Variants in RFX3 observed in about 807,000 individuals in gnomAD.
RFX3 encodes transcription factor RFX3.
Under a neutral mutation model 98.6 loss-of-function variants are expected in RFX3, and 14 were observed. That is an observed-to-expected ratio of 0.14 (90% CI 0.09 to 0.22). The LOEUF (loss-of-function observed/expected upper bound fraction) is 0.22. RFX3 is among the 10% of genes least tolerant of loss of function. RFX3 has a pLI of 1.00. For synonymous variants in RFX3, 383 were observed against 328.4 expected, an observed-to-expected ratio of 1.17 and a Z score of -1.80; for missense variants, 639 against 926.9, an observed-to-expected ratio of 0.69 and a Z score of 4.03.
intron 1 of RFX3, among the ~76,000 whole-genome samples, chr9:3,452,805 T>A (rs1846781466): frequency 6.6e-6 from 1 of 152,248 alleles, no homozygotes; most frequent in South Asian, 2.1e-4. Flanking sequence ...CAGGGAATAC[T>A]ATAGGTTTCT....
intron 10 of RFX3, 145 bp downstream of exon 10, chr9:3,270,858 G>C (rs41312820): frequency 0.12 from 132,841 of 1,143,394 alleles, 8,011 homozygotes; most frequent in Middle Eastern, 0.15. Context: ...AGCAGTTCAT[G>C]GTTTATTTCT....
chr9:3,382,268 C>T (rs916974923), intron 2 of RFX3, among the ~76,000 whole-genome samples: 3 of 152,134 alleles, frequency 2.0e-5, no homozygotes, highest in Non-Finnish European at 4.4e-5. Context: ...TTTAAAGCAA[C>T]ATTTAAGAGT....
intron 1 of RFX3, among the ~76,000 whole-genome samples, chr9:3,503,392 TTA>T (rs1456700490): frequency 5.1e-4 from 64 of 126,724 alleles, no homozygotes; most frequent in African/African-American, 1.3e-3. Context: ...GTATACACAT[TTA>T]TGTTATATTT....
rs1817378574 is a variant in RFX3, at chr9:3,222,299, A to G, written c.*2743T>C. The G allele has an allele frequency of 1.3e-5, 2 of 152,128 alleles. No individual in the cohort carries two copies. The highest frequency in any genetic ancestry group is 4.8e-5 in the African/African-American group (2 of 41,452). The allele number at this position is 152,128 out of a possible 1,614,324, so 9.4% of individuals were successfully genotyped here. On this transcript the variant is annotated 3_prime_UTR_variant, in exon 17 of 17. Transcript: ENST00000617270. ...CCTAATATTCATAAAGGAGATCAGA[A>G]TATTTTTATTGAGTCAAGTTCAAAT...
chr9:3,385,187 G>GT (rs745652044), intron 2 of RFX3, among the ~76,000 whole-genome samples: 2 of 152,268 alleles, frequency 1.3e-5, no homozygotes, highest in South Asian at 4.2e-4. Context: ...CAAATTATAT[G>GT]TAAGTACAGG....
intron 1 of RFX3, among the ~76,000 whole-genome samples, chr9:3,451,720 C>CTAT (rs1846653330): frequency 2.0e-5 from 3 of 151,928 alleles, no homozygotes; most frequent in Admixed American, 1.3e-4. Flanking sequence ...AGTGGATAAA[C>CTAT]CTATTAATAA....
Position 3,480,465 on chromosome 9 carries a change from T to C in RFX3, c.-9+45282A>G, listed in dbSNP as rs530382287. Among the ~76,000 whole-genome samples, 8 of 152,302 alleles carry C rather than the reference T, an allele frequency of 5.3e-5. No homozygotes were observed. In the South Asian group the frequency reaches 1.7e-3, roughly 32 times the overall value. On this transcript the variant is annotated intron_variant, in intron 1 of 16. Transcript: ENST00000617270. Reference sequence around the variant, plus strand: ...TTGCATTCTCTTTGTTAAAACAAGCTACAGGCCCAACCCAAACTGAAAGGA... The same window carrying C: ...TTGCATTCTCTTTGTTAAAACAAGCCACAGGCCCAACCCAAACTGAAAGGA...
At chr9:3,278,910 T>A (rs192683436) in intron 7 of RFX3, among the ~76,000 whole-genome samples, 65 of 151,956 alleles carry the variant, frequency 4.3e-4, no homozygotes, top group African/African-American at 1.4e-3. Flanking sequence ...TACAAAAAAA[T>A]TGATTGCTGT....
intron 1 of RFX3, among the ~76,000 whole-genome samples, chr9:3,428,383 G>A (rs1844318472): frequency 6.6e-6 from 1 of 152,126 alleles, no homozygotes; most frequent in Non-Finnish European, 1.5e-5. Context: ...ATCTTATAAT[G>A]ATGATGGAAC....
At chr9:3,431,941 G>C (rs1564093758) in intron 1 of RFX3, among the ~76,000 whole-genome samples, 1 of 152,150 alleles carries the variant, frequency 6.6e-6, no homozygotes. Context: ...TAGGATTTAA[G>C]GGAGGAAGCA....
intron 6 of RFX3, among the ~76,000 whole-genome samples, chr9:3,292,546 A>G (rs780349071): frequency 1.3e-5 from 2 of 152,218 alleles, no homozygotes; most frequent in African/African-American, 2.4e-5. Flanking sequence ...ATATTTTGCA[A>G]GTTTACCAAA....
At chr9:3,427,287 T>C (rs140388724) in intron 1 of RFX3, among the ~76,000 whole-genome samples, 1 of 143,068 alleles carries the variant, frequency 7.0e-6, no homozygotes, top group African/African-American at 2.6e-5. Flanking sequence ...TATATAATAC[T>C]ATATATAAAT....
chr9:3,370,188 A>T (rs901991844), intron 2 of RFX3, among the ~76,000 whole-genome samples: 14 of 100,222 alleles, frequency 1.4e-4, no homozygotes, highest in African/African-American at 1.0e-3. Flanking sequence ...CAAATTATTA[A>T]AAAAAAAAAA....
At chr9:3,477,241 C>CTAT (rs1849350633) in intron 1 of RFX3, among the ~76,000 whole-genome samples, 1 of 152,164 alleles carries the variant, frequency 6.6e-6, no homozygotes, top group Non-Finnish European at 1.5e-5. Context: ...ATTATTCAAT[C>CTAT]TATTTGTACA....
chr9:3,371,395 T>C (rs1020198145), intron 2 of RFX3, among the ~76,000 whole-genome samples: 1 of 152,180 alleles, frequency 6.6e-6, no homozygotes, highest in African/African-American at 2.4e-5. Flanking sequence ...ATTAAATAAG[T>C]GTTTCCGCTT....
At chr9:3,509,219 T>C (rs143234478) in intron 1 of RFX3, among the ~76,000 whole-genome samples, 1,756 of 152,086 alleles carry the variant, frequency 0.012, 28 homozygotes, top group South Asian at 0.031. Flanking sequence ...AGAGCGCTGC[T>C]ACACTTTTAA....
chr9:3,473,110 C>T (rs1264357710), intron 1 of RFX3, among the ~76,000 whole-genome samples: 3 of 152,122 alleles, frequency 2.0e-5, no homozygotes, highest in Non-Finnish European at 4.4e-5. Context: ...ACTTATATAT[C>T]CCTTAAGAAT....
chr9:3,229,387 A>G (rs1043685476), intron 15 of RFX3, among the ~76,000 whole-genome samples: 1 of 152,212 alleles, frequency 6.6e-6, no homozygotes. Flanking sequence ...AGAAACTCCA[A>G]AATTGAGTGT....
intron 5 of RFX3, among the ~76,000 whole-genome samples, chr9:3,300,579 T>C (rs1338068747): frequency 6.6e-6 from 1 of 151,828 alleles, no homozygotes. Flanking sequence ...TGATCCAATA[T>C]CGAGCTTTTC....
Sources: gnomAD v4.1 joint callset for allele counts (sites outside exome capture counted in the v4.1 genomes callset) on GRCh38, gnomAD v4.1.1 for gene constraint, MANE v1.5 for transcripts, NCBI Gene and HGNC (gene_info 2026-07-23, HGNC 2026-07-21) for gene names.